UBXN6: variants seen among roughly 807,000 people sequenced by gnomAD.
UBXN6 encodes the protein UBX domain protein 6, also known as UBX domain-containing protein 6.
A neutral mutation model predicts 51.4 loss-of-function variants in UBXN6; 44 were observed. The observed-to-expected ratio is 0.86, with a 90% CI of 0.67 to 1.10. The LOEUF is 1.10. Among genes scored for constraint, UBXN6 ranks in the 50% least tolerant of loss-of-function variants. The pLI is 0.00. For synonymous variants in UBXN6, 316 were observed against 263.2 expected (o/e 1.20, Z -1.94); for missense variants, 672 against 596.1 (o/e 1.13, Z -1.32).
intron 4 of UBXN6, 51 bp from the exon 5 acceptor site, chr19:4,448,466 G>T (rs376520962): frequency 6.8e-7 from 1 of 1,460,210 alleles, no homozygotes. Flanking sequence ...CGGGCCGCAC[G>T]GCCCTCCGCT....
chr19:4,448,191 C>G, intron 5 of UBXN6, 127 bp downstream of exon 5: 1 of 829,894 alleles, frequency 1.2e-6, no homozygotes, highest in East Asian at 2.7e-5. Context: ...GCCTCACTCT[C>G]GGCCTATGCT....
chr19:4,455,420 C>A (rs774623043), intron 1 of UBXN6: 35 of 395,806 alleles, frequency 8.8e-5, no homozygotes, highest in Non-Finnish European at 1.2e-4. Context: ...CCACCCCGGC[C>A]TCATCCGATA....
rs749831001 is a variant in UBXN6 at position 4,452,501 on chromosome 19, G to A, written c.313-9C>T. On this transcript the variant is annotated splice_polypyrimidine_tract_variant and intron_variant, in intron 3 of 10. Coordinates refer to ENST00000301281, the MANE Select transcript of UBXN6 (RefSeq NM_025241.3). ...TCTCTGGGCTCAGATACCTGGGGCG[G>A]TGAAAGCGTCCAAGTCTGGACCGTG... The A allele has an allele frequency of 1.9e-6, 3 of 1,608,044 alleles. No homozygotes were observed. The highest frequency in any genetic ancestry group is 1.3e-5 in the African/African-American group (1 of 74,964).
intron 4 of UBXN6, chr19:4,450,271 A>T (rs1474880238): frequency 1.3e-5 from 2 of 151,844 alleles, no homozygotes; most frequent in Admixed American, 6.6e-5. Context: ...GAATTCTCTC[A>T]GCATGGAAAT....
chr19:4,447,707 C>T (rs1425182727), intron 5 of UBXN6, 82 bp from the exon 6 acceptor site: 2 of 1,407,696 alleles, frequency 1.4e-6, no homozygotes, highest in Non-Finnish European at 1.0e-6. Flanking sequence ...CAGGTAACAG[C>T]AGCTCAGCCA....
At chr19:4,448,201 T>G in intron 5 of UBXN6, 117 bp downstream of exon 5, 1 of 949,728 alleles carries the variant, frequency 1.1e-6, no homozygotes, top group East Asian at 2.6e-5. Context: ...CGGCCTATGC[T>G]CCTTCCCAAC....
At chr19:4,447,911 CG>C (rs1378614586) in intron 5 of UBXN6, 5 of 510,206 alleles carry the variant, frequency 9.8e-6, no homozygotes, top group South Asian at 6.3e-5. Flanking sequence ...GCCACAGTGC[CG>C]GAAGAGTGGA....
intron 5 of UBXN6, 140 bp downstream of exon 5, chr19:4,448,178 G>C: frequency 1.4e-6 from 1 of 733,884 alleles, no homozygotes; most frequent in Non-Finnish European, 2.3e-6. Flanking sequence ...TCTGGGTGGA[G>C]CTGCCTCACT....
intron 1 of UBXN6, 139 bp downstream of exon 1, chr19:4,457,476 C>A: frequency 1.8e-6 from 1 of 566,254 alleles, no homozygotes; most frequent in Non-Finnish European, 2.6e-6. Context: ...CCCCCGGCGC[C>A]TCTCCCCCTC....
In UBXN6 at chr19:4,445,332, CTGCCA is replaced by C. The variant is rs771805982; in HGVS notation, c.*161_*165del. On this transcript the variant is annotated 3_prime_UTR_variant, in exon 11 of 11. Transcript: ENST00000301281. ...CCACAGCCCCCAAGGGATGGGGGCTCTGCCACGGGGCCCAATTCCACAGCTCCACG... is the reference window on the plus strand; with the variant it reads ...CCACAGCCCCCAAGGGATGGGGGCTCCGGGGCCCAATTCCACAGCTCCACG... 2 of 1,225,904 alleles carry C rather than the reference CTGCCA, an allele frequency of 1.6e-6. No individual in the cohort carries two copies. The highest frequency in any genetic ancestry group is 2.3e-6 in the Non-Finnish European group (2 of 881,652). 75.9% of individuals were successfully genotyped at this position (1,225,904 alleles called of 1,614,324 possible).
In UBXN6 at chr19:4,457,603, T is replaced by C; in HGVS notation, c.83+12A>G. The C allele has an allele frequency of 3.2e-6, 5 of 1,580,836 alleles. No homozygotes were observed. Among genetic ancestry groups the C allele is most frequent in the Non-Finnish European group, 4.3e-6 (5 of 1,164,910 alleles). On this transcript the variant is annotated intron_variant, in intron 1 of 10. Coordinates refer to ENST00000301281, the MANE Select transcript of UBXN6 (RefSeq NM_025241.3). ...CCCCGCAGGGCCTCAAGCCCCTGCG[T>C]TCCTCACGCACCCCACGGACTCTTT...
intron 3 of UBXN6, among the ~76,000 whole-genome samples, chr19:4,452,729 G>T (rs1974676012): frequency 6.6e-6 from 1 of 152,190 alleles, no homozygotes; most frequent in African/African-American, 2.4e-5. Context: ...GTAAGGAACG[G>T]AAAGTACGGA....
rs1599673818 is a variant in UBXN6 at position 4,446,736 on chromosome 19, C to T, written c.701-17G>A. The T allele has an allele frequency of 1.9e-6, 3 of 1,609,000 alleles. No individual in the cohort carries two copies. Among genetic ancestry groups the T allele is most frequent in the East Asian group, 4.5e-5 (2 of 44,804 alleles). The stretch of plus-strand genomic sequence containing the variant: ...CGGGGTCCTCTACAGCGTGGCAGGA[C>T]ATGGGTGTCACTGTGCAATGGAGAG... On this transcript the variant is annotated splice_polypyrimidine_tract_variant and intron_variant, in intron 7 of 10. Coordinates refer to ENST00000301281, the MANE Select transcript of UBXN6 (RefSeq NM_025241.3).
At chr19:4,447,755 G>T in intron 5 of UBXN6, 130 bp from the exon 6 acceptor site, 1 of 897,364 alleles carries the variant, frequency 1.1e-6, no homozygotes, top group Non-Finnish European at 1.8e-6. Context: ...GCGGCCCAGT[G>T]ACGCGAGGGC....
intron 3 of UBXN6, 32 bp from the exon 4 acceptor site, chr19:4,452,524 G>A (rs370261331): frequency 1.1e-4 from 169 of 1,595,904 alleles, no homozygotes; most frequent in Non-Finnish European, 1.3e-4. Flanking sequence ...AGTCTGGACC[G>A]TGGACAGAGG....
intron 1 of UBXN6, among the ~76,000 whole-genome samples, chr19:4,455,670 C>A (rs376843627): frequency 2.0e-5 from 3 of 152,182 alleles, no homozygotes; most frequent in African/African-American, 7.2e-5. Context: ...CCCCGCAGTT[C>A]TTCCCACACC....
chr19:4,453,756 C>T (rs1599680685), intron 2 of UBXN6, among the ~76,000 whole-genome samples, 174 bp downstream of exon 2: 1 of 152,214 alleles, frequency 6.6e-6, no homozygotes, highest in East Asian at 1.9e-4. Context: ...TCTCTGCTCC[C>T]ACCCCCTCCC....
chr19:4,445,922 A>T, intron 10 of UBXN6, 127 bp downstream of exon 10: 2 of 1,435,970 alleles, frequency 1.4e-6, no homozygotes, highest in Non-Finnish European at 1.9e-6. Context: ...CAGGATTCAA[A>T]CCCAGGGACC....
At chr19:4,447,011 T>C (rs919169139) in intron 6 of UBXN6, 91 bp from the exon 7 acceptor site, 12 of 1,312,270 alleles carry the variant, frequency 9.1e-6, no homozygotes, top group African/African-American at 2.9e-5. Context: ...GCTCTCGCTA[T>C]TGGGAGCAGC....
Sources: gnomAD v4.1 joint callset for allele counts (sites outside exome capture counted in the v4.1 genomes callset) on GRCh38, gnomAD v4.1.1 for gene constraint, MANE v1.5 for transcripts, NCBI Gene and HGNC (gene_info 2026-07-23, HGNC 2026-07-21) for gene names.